Variants in NPSR1 observed in about 807,000 individuals in gnomAD.
The protein encoded by NPSR1 is neuropeptide S receptor 1.
NPSR1 carries 48 observed loss-of-function variants against 46.9 expected under a neutral mutation model. The ratio of observed to expected loss-of-function variants is 1.02; its 90% CI spans 0.81 to 1.30. The LOEUF (loss-of-function observed/expected upper bound fraction) is 1.30, where lower values mean the gene tolerates loss of function less well. Among genes scored for constraint, NPSR1 ranks in the 50% most tolerant of loss-of-function variants. The pLI is 0.00. For synonymous variants in NPSR1, 176 were observed against 168.1 expected, an observed-to-expected ratio of 1.05 and a Z score of -0.36; for missense variants, 450 against 449.5, an observed-to-expected ratio of 1.00 and a Z score of -0.01.
At chr7:34,836,600 G>A (rs1790379051) in intron 6 of NPSR1, among the ~76,000 whole-genome samples, 1 of 151,352 alleles carries the variant, frequency 6.6e-6, no homozygotes, top group South Asian at 2.1e-4. Context: ...AAGAAAGAGT[G>A]AGAGAGAAAG....
chr7:34,684,717 T>C (rs765565532), intron 2 of NPSR1, 33 bp downstream of exon 2: 1 of 1,569,070 alleles, frequency 6.4e-7, no homozygotes, highest in South Asian at 1.2e-5. Context: ...GGCAGGAAGC[T>C]ATATGTGAAG....
chr7:34,861,942 C>A (rs1033929919), intron 8 of NPSR1, among the ~76,000 whole-genome samples: 12 of 151,850 alleles, frequency 7.9e-5, no homozygotes, highest in African/African-American at 2.7e-4. Flanking sequence ...AACTCCTAAG[C>A]CCATGCTCAG....
intron 6 of NPSR1, among the ~76,000 whole-genome samples, chr7:34,836,399 T>C (rs977981153): frequency 1.2e-4 from 18 of 152,178 alleles, no homozygotes; most frequent in African/African-American, 4.3e-4. Flanking sequence ...AGAACAGAAA[T>C]GCCAAAGGAA....
rs991367405 is a variant in NPSR1 at position 34,806,301 on chromosome 7, G to A, written c.385-5469G>A. ...CTCAAAAGCTGAATGGATAAGCTGC[G>A]GTACATCCATTAAATGGGATATTAT... On this transcript the variant is annotated intron_variant, in intron 3 of 8. Coordinates refer to ENST00000360581, the MANE Select transcript of NPSR1 (RefSeq NM_207172.2). Among the ~76,000 whole-genome samples the A allele has an allele frequency of 5.9e-5, 9 of 151,974 alleles. No individual in the cohort carries two copies. The South Asian group carries it at 1.2e-3, about 21-fold the overall frequency.
intron 2 of NPSR1, among the ~76,000 whole-genome samples, chr7:34,765,997 C>T (rs1217167899): frequency 6.6e-6 from 1 of 151,986 alleles, no homozygotes; most frequent in Non-Finnish European, 1.5e-5. Flanking sequence ...CACAATATAC[C>T]CATGTAATAA....
At chr7:34,834,546 T>C in intron 6 of NPSR1, 86 bp downstream of exon 6, 2 of 926,080 alleles carry the variant, frequency 2.2e-6, no homozygotes, top group East Asian at 2.4e-5. Flanking sequence ...TAGGGACTCC[T>C]TGATACACAA....
chr7:34,758,510 C>T (rs1210836579), intron 2 of NPSR1, among the ~76,000 whole-genome samples: 1 of 152,186 alleles, frequency 6.6e-6, no homozygotes, highest in East Asian at 1.9e-4. Context: ...GAGGTCACAG[C>T]CATCATATTC....
chr7:34,795,123 T>A (rs1788115513), intron 3 of NPSR1, among the ~76,000 whole-genome samples: 2 of 152,152 alleles, frequency 1.3e-5, no homozygotes, highest in African/African-American at 4.8e-5. Flanking sequence ...TGGATATCAG[T>A]TAATGTAACC....
chr7:34,796,784 A>C (rs1308577708), intron 3 of NPSR1, among the ~76,000 whole-genome samples: 1 of 152,208 alleles, frequency 6.6e-6, no homozygotes, highest in Non-Finnish European at 1.5e-5. Flanking sequence ...TTATTCCAAA[A>C]TTACATTCTT....
chr7:34,848,618 C>A lies in NPSR1; in HGVS notation c.980C>A (p.Pro327His), dbSNP rs1790826218. 6.2e-7 allele frequency: 1 copy of A among 1,614,056 alleles called. No homozygotes were observed. Among genetic ancestry groups the A allele is most frequent in the Non-Finnish European group, 8.5e-7 (1 of 1,180,040 alleles). ...CCAGCATTGAATAGTGCCATCAACCCCCTCATCTACTGTGTCTTCAGCAGC... is the reference window on the plus strand; with the variant it reads ...CCAGCATTGAATAGTGCCATCAACCACCTCATCTACTGTGTCTTCAGCAGC... ...NLPALNSAIN[P>H]LIYCVFSSSI... The change falls in exon 8 of 9, where the codon CCC becomes CAC. Residue 327 changes from proline to histidine, a missense_variant. Physicochemically the swap from Pro to His is moderately conservative, Grantham distance 77. Coordinates refer to ENST00000360581, the MANE Select transcript of NPSR1 (RefSeq NM_207172.2).
intron 5 of NPSR1, among the ~76,000 whole-genome samples, chr7:34,833,978 A>G (rs540722467): frequency 6.6e-6 from 1 of 152,310 alleles, no homozygotes; most frequent in South Asian, 2.1e-4. Flanking sequence ...AGGATCAACA[A>G]AGCCATGAAT....
rs116170741 is a variant in NPSR1 at position 34,849,696 on chromosome 7, T to G, written c.*41T>G. On this transcript the variant is annotated 3_prime_UTR_variant, in exon 9 of 9. Transcript: ENST00000360581. ...CAGTGCTAGGCTGAGCACCATCAGC[T>G]CTCCCAGGTCCTTGTCACCTGCTTG... 2 of 1,607,424 alleles carry G rather than the reference T, an allele frequency of 1.2e-6. No individual in the cohort carries two copies. The highest frequency in any genetic ancestry group is 1.7e-5 in the Admixed American group (1 of 59,324).
intron 3 of NPSR1, among the ~76,000 whole-genome samples, chr7:34,807,477 T>G (rs1226640852): frequency 2.0e-5 from 3 of 152,212 alleles, no homozygotes; most frequent in Non-Finnish European, 4.4e-5. Flanking sequence ...TTGTATCTTT[T>G]ATCAATATAA....
At chr7:34,857,879 T>C (rs1197776089) in intron 8 of NPSR1, among the ~76,000 whole-genome samples, 3 of 151,358 alleles carry the variant, frequency 2.0e-5, no homozygotes, top group African/African-American at 4.9e-5. Flanking sequence ...GTAGAAGACA[T>C]AGAAAAATGG....
exon 9 of NPSR1, chr7:34,878,303 T>A (rs561214339): frequency 1.6e-5 from 9 of 549,992 alleles, no homozygotes; most frequent in Admixed American, 3.1e-5. Context: ...CTGCATCAGA[T>A]TCACCAGGGA....
chr7:34,683,131 C>CA (rs35541601), intron 1 of NPSR1, among the ~76,000 whole-genome samples: 26,795 of 151,904 alleles, frequency 0.18, 3,432 homozygotes, highest in African/African-American at 0.36. Context: ...GTGTAGGACT[C>CA]ATGAAGATGC....
At chr7:34,786,232 C>T (rs1787460192) in intron 3 of NPSR1, among the ~76,000 whole-genome samples, 2 of 152,096 alleles carry the variant, frequency 1.3e-5, no homozygotes, top group Admixed American at 1.3e-4. Context: ...CAGCAATGTT[C>T]ACAGCATTAT....
intron 2 of NPSR1, among the ~76,000 whole-genome samples, chr7:34,754,725 A>C (rs1171747025): frequency 1.3e-5 from 2 of 152,222 alleles, no homozygotes; most frequent in African/African-American, 4.8e-5. Context: ...CCATCACCAA[A>C]GTCAATTTTA....
chr7:34,818,174 G>A (rs11767395), intron 4 of NPSR1, among the ~76,000 whole-genome samples: 1 of 148,630 alleles, frequency 6.7e-6, no homozygotes, highest in Non-Finnish European at 1.5e-5. Flanking sequence ...AAACCCCATT[G>A]TCTCAGCCCA....
Sources: gnomAD v4.1 joint callset for allele counts (sites outside exome capture counted in the v4.1 genomes callset) on GRCh38, gnomAD v4.1.1 for gene constraint, MANE v1.5 for transcripts, NCBI Gene and HGNC (gene_info 2026-07-23, HGNC 2026-07-21) for gene names.